Variants in FAM186B observed in about 807,000 individuals in gnomAD.
The protein encoded by FAM186B is family with sequence similarity 186 member B.
FAM186B carries 68 observed loss-of-function variants against 83.4 expected under a neutral mutation model. That is an observed-to-expected ratio of 0.81 (90% CI 0.67 to 1.00). The LOEUF is 1.00. Ranked by LOEUF, FAM186B falls within the 50% of genes least tolerant of loss-of-function variation. The pLI is 0.00. For synonymous variants in FAM186B, 389 were observed against 422.0 expected, an observed-to-expected ratio of 0.92 and a Z score of 0.96; for missense variants, 983 against 1,099.2, an observed-to-expected ratio of 0.89 and a Z score of 1.49.
In FAM186B at chr12:49,598,736, G is replaced by T. The variant is rs555173522; in HGVS notation, c.2364+19C>A. ...CCCCAGGAGGCGGAGTGGCGGGGGG[G>T]TCAGGGCGGGAGGCCCACCTTGGGG... On this transcript the variant is annotated intron_variant, in intron 5 of 6. Coordinates refer to ENST00000257894, the MANE Select transcript of FAM186B (RefSeq NM_032130.3). 1.3e-6 allele frequency: 2 copies of T among 1,556,824 alleles called. No individual in the cohort carries two copies. Among genetic ancestry groups the T allele is most frequent in the South Asian group, 2.4e-5 (2 of 82,738 alleles).
At chr12:49,595,592 G>T in intron 5 of FAM186B, 1 of 429,274 alleles carries the variant, frequency 2.3e-6, no homozygotes, top group Non-Finnish European at 4.7e-6. Flanking sequence ...TAAGCCCAGG[G>T]CCTAGGACCA....
intron 1 of FAM186B, chr12:49,604,823 C>T (rs368928409): frequency 3.9e-5 from 11 of 281,998 alleles, no homozygotes; most frequent in East Asian, 2.7e-4. Flanking sequence ...AACACCAAAA[C>T]CCCACAGCAA....
the FAM186B span, among the ~76,000 whole-genome samples, chr12:49,614,683 G>A: frequency 6.6e-5 from 10 of 152,084 alleles, no homozygotes; most frequent in Non-Finnish European, 1.3e-4. Context: ...CAACATTCAC[G>A]CAATATACCC....
the FAM186B span, among the ~76,000 whole-genome samples, chr12:49,620,640 G>A: frequency 4.6e-5 from 7 of 152,194 alleles, no homozygotes; most frequent in African/African-American, 1.4e-4. Context: ...ATTTATTAAA[G>A]AATCATAACT....
Position 49,599,599 on chromosome 12 carries a change from C to CA in FAM186B, c.2040dup (p.Glu681Ter). 2 of 1,612,616 alleles carry CA rather than the reference C, an allele frequency of 1.2e-6. No homozygotes were observed. The highest frequency in any genetic ancestry group is 1.7e-6 in the Non-Finnish European group (2 of 1,179,214). ...CGCAGGTAGTGGGGCAGCCTCAACTCAGACTCCTCACTCAGGAGCTGCAGG... is the reference window on the plus strand; with the variant it reads ...CGCAGGTAGTGGGGCAGCCTCAACTCAAGACTCCTCACTCAGGAGCTGCAGG... On this transcript the variant is annotated frameshift_variant, in exon 4 of 7. Coordinates refer to ENST00000257894, the MANE Select transcript of FAM186B (RefSeq NM_032130.3). LOFTEE classifies it high-confidence loss of function.
In FAM186B at chr12:49,600,545, C is replaced by G; in HGVS notation, c.1095G>C (p.Glu365Asp). The G allele has an allele frequency of 6.2e-7, 1 of 1,613,934 alleles. No homozygotes were observed. The highest frequency in any genetic ancestry group is 8.5e-7 in the Non-Finnish European group (1 of 1,179,936). The change falls in exon 4 of 7, where the codon GAG becomes GAC. Residue 365 changes from glutamate (E) to aspartate (D), a missense_variant. Physicochemically the swap from Glu to Asp is conservative, Grantham distance 45. Coordinates refer to ENST00000257894, the MANE Select transcript of FAM186B (RefSeq NM_032130.3). The surrounding 1 kb of genome is among the most constrained non-coding windows in gnomAD (Gnocchi z 4.3). ...TTGGGGGAAGTGGCGAGAACAACTGCTCCTCCTTCATCGGTTCCTGTTGGC... is the reference window on the plus strand; with the variant it reads ...TTGGGGGAAGTGGCGAGAACAACTGGTCCTCCTTCATCGGTTCCTGTTGGC... ...EESQQEPMKE[E>D]QLFSPLPPSP...
At position 49,600,193 on chromosome 12, in the gene FAM186B, C is replaced by T; in HGVS notation, c.1447G>A (p.Glu483Lys). ...TGCCTCCGCATCTCCCGGCCGAATTCCTCCTCCCAGGGCTCCTCTTGGCTC... is the reference window on the plus strand; with the variant it reads ...TGCCTCCGCATCTCCCGGCCGAATTTCTCCTCCCAGGGCTCCTCTTGGCTC... ...SESQEEPWEE[E>K]FGREMRRQLW... is the part of the protein sequence containing the mutation. Residue 483 changes from glutamate (E) to lysine (K), a missense_variant, in exon 4 of 7, where the codon GAA becomes AAA. Coordinates refer to ENST00000257894, the MANE Select transcript of FAM186B (RefSeq NM_032130.3). The surrounding 1 kb of genome is among the most constrained non-coding windows in gnomAD (Gnocchi z 4.3). 1 of 1,613,214 alleles carries T rather than the reference C, an allele frequency of 6.2e-7. No individual in the cohort carries two copies. Among genetic ancestry groups the T allele is most frequent in the Non-Finnish European group, 8.5e-7 (1 of 1,179,392 alleles).
In FAM186B at chr12:49,587,547, CCAT is replaced by C; in HGVS notation, c.*55_*57del. 6.2e-7 allele frequency: 1 copy of C among 1,603,624 alleles called. No individual in the cohort carries two copies. Among genetic ancestry groups the C allele is most frequent in the Non-Finnish European group, 8.5e-7 (1 of 1,170,518 alleles). On this transcript the variant is annotated 3_prime_UTR_variant, in exon 7 of 7. Transcript: ENST00000257894. ...ATTTATTGGGGAGAATCCACATTGA[CCAT>C]CAGCCTCGCACCTTACTGGGCCTTC... is the stretch of plus-strand genomic sequence containing the variant.
chr12:49,589,670 CTATATCTA>C (rs1489131813), intron 5 of FAM186B, among the ~76,000 whole-genome samples: 3 of 151,854 alleles, frequency 2.0e-5, no homozygotes, highest in Admixed American at 1.3e-4. Context: ...GAAGTTAAAT[CTATATCTA>C]TATATCTATA....
In FAM186B at chr12:49,587,573, T is replaced by G; in HGVS notation, c.*32A>C. 6.2e-7 allele frequency: 1 copy of G among 1,614,004 alleles called. No homozygotes were observed. Among genetic ancestry groups the G allele is most frequent in the Non-Finnish European group, 8.5e-7 (1 of 1,179,936 alleles). ...CATCAGCCTCGCACCTTACTGGGCC[T>G]TCAGGAAGTTCAGGCTTTTGTGGCA... On this transcript the variant is annotated 3_prime_UTR_variant, in exon 7 of 7. Coordinates refer to ENST00000257894, the MANE Select transcript of FAM186B (RefSeq NM_032130.3).
chr12:49,611,077 TA>T, the FAM186B span, among the ~76,000 whole-genome samples: 2 of 149,456 alleles, frequency 1.3e-5, no homozygotes, highest in African/African-American at 2.4e-5. Flanking sequence ...TTGTCTCTAC[TA>T]AAAAAAAAAT....
At chr12:49,619,888 C>T in the FAM186B span, among the ~76,000 whole-genome samples, 1 of 151,750 alleles carries the variant, frequency 6.6e-6, no homozygotes, top group Non-Finnish European at 1.5e-5. Context: ...CCATATTAGC[C>T]AGGTTGGTCT....
chr12:49,616,528 C>T, the FAM186B span, among the ~76,000 whole-genome samples: 1 of 152,100 alleles, frequency 6.6e-6, no homozygotes, highest in Non-Finnish European at 1.5e-5. Context: ...ATGAAATATA[C>T]CACTTCACAT....
In FAM186B at chr12:49,605,489, C is replaced by G. The variant is rs1565814073; in HGVS notation, c.-12G>C. On this transcript the variant is annotated 5_prime_UTR_variant, in exon 1 of 7. Coordinates refer to ENST00000257894, the MANE Select transcript of FAM186B (RefSeq NM_032130.3). The stretch of plus-strand genomic sequence containing the variant: ...TCATCCTTCTCCATTTTGGATCACT[C>G]TGTCAGTCACAAAACATCCTGTGTT... The G allele has an allele frequency of 1.2e-6, 2 of 1,610,824 alleles. No homozygotes were observed. The highest frequency in any genetic ancestry group is 2.2e-5 in the South Asian group (2 of 90,178).
the FAM186B span, among the ~76,000 whole-genome samples, chr12:49,612,808 C>G: frequency 6.6e-6 from 1 of 152,140 alleles, no homozygotes; most frequent in East Asian, 1.9e-4. Context: ...ACCCCAATGA[C>G]AGCATTAGAC....
At chr12:49,619,363 TATG>T in the FAM186B span, 2 of 401,726 alleles carry the variant, frequency 5.0e-6, no homozygotes, top group African/African-American at 4.2e-5. Flanking sequence ...TTTCCCTTCA[TATG>T]ATGAAAATCT....
At chr12:49,594,594 G>A (rs1939669174) in intron 5 of FAM186B, among the ~76,000 whole-genome samples, 1 of 152,204 alleles carries the variant, frequency 6.6e-6, no homozygotes, top group African/African-American at 2.4e-5. Flanking sequence ...TCTTACACAG[G>A]CCGGGTGTGG....
downstream of FAM186B, chr12:49,587,452 G>T: frequency 9.3e-7 from 1 of 1,074,184 alleles, no homozygotes; most frequent in Non-Finnish European, 1.4e-6. Flanking sequence ...GCCGAGCAAA[G>T]GAACCAGGTT....
intron 5 of FAM186B, chr12:49,595,024 A>G (rs1175518886): frequency 1.4e-5 from 3 of 211,042 alleles, no homozygotes; most frequent in African/African-American, 4.7e-5. Context: ...AAATAAGCAC[A>G]TGAAAATATG....
Sources: gnomAD v4.1 joint callset for allele counts (sites outside exome capture counted in the v4.1 genomes callset) on GRCh38, gnomAD v4.1.1 for gene constraint, Gnocchi (gnomAD v3.1) non-coding constraint, MANE v1.5 for transcripts, NCBI Gene and HGNC (gene_info 2026-07-23, HGNC 2026-07-21) for gene names.